MICU2: variants seen among roughly 807,000 people sequenced by gnomAD.
MICU2 encodes mitochondrial calcium uptake 2.
A neutral mutation model predicts 60.4 loss-of-function variants in MICU2; 64 were observed. That is an observed-to-expected ratio of 1.06 (90% CI 0.87 to 1.31). The LOEUF is 1.31. Ranked by LOEUF, MICU2 falls within the 50% of genes most tolerant of loss-of-function variation. The pLI is 0.00. For synonymous variants in MICU2, 201 were observed against 175.0 expected (o/e 1.15, Z -1.17); for missense variants, 569 against 531.0 (o/e 1.07, Z -0.70).
At chr13:21,560,727 C>A (rs192446222) in intron 2 of MICU2, among the ~76,000 whole-genome samples, 1 of 152,258 alleles carries the variant, frequency 6.6e-6, no homozygotes, top group East Asian at 1.9e-4. Context: ...TTAGGGGTTA[C>A]AAACTAGGTC....
At chr13:21,522,728 A>G (rs1886749747) in intron 4 of MICU2, 78 bp from the exon 5 acceptor site, 2 of 1,104,252 alleles carry the variant, frequency 1.8e-6, no homozygotes, top group Non-Finnish European at 2.6e-6. Flanking sequence ...TTGAAATTTC[A>G]CCTAATTAAA....
chr13:21,558,144 T>C (rs926549860), intron 2 of MICU2, among the ~76,000 whole-genome samples: 2 of 152,222 alleles, frequency 1.3e-5, no homozygotes, highest in African/African-American at 2.4e-5. Context: ...TTATTTGCTA[T>C]TTGTTTAGTG....
chr13:21,556,984 G>A (rs1887723943), intron 2 of MICU2, among the ~76,000 whole-genome samples: 1 of 152,052 alleles, frequency 6.6e-6, no homozygotes, highest in Non-Finnish European at 1.5e-5. Flanking sequence ...AGTCCGACAA[G>A]AACAACAAAG....
intron 1 of MICU2, among the ~76,000 whole-genome samples, chr13:21,576,189 A>G (rs1888224150): frequency 6.6e-6 from 1 of 152,220 alleles, no homozygotes; most frequent in Non-Finnish European, 1.5e-5. Flanking sequence ...CAACAGACTA[A>G]TATTTTTCAG....
chr13:21,523,397 TAA>T (rs1446035791), intron 4 of MICU2, among the ~76,000 whole-genome samples: 1 of 152,002 alleles, frequency 6.6e-6, no homozygotes, highest in Non-Finnish European at 1.5e-5. Flanking sequence ...TACTTCTACT[TAA>T]AGTTTTACTA....
intron 2 of MICU2, among the ~76,000 whole-genome samples, chr13:21,548,736 A>G (rs1322416714): frequency 6.6e-6 from 1 of 152,132 alleles, no homozygotes; most frequent in Non-Finnish European, 1.5e-5. Flanking sequence ...CACATAGGTT[A>G]TAAATATTTC....
intron 1 of MICU2, among the ~76,000 whole-genome samples, chr13:21,603,163 G>A (rs1888866117): frequency 6.6e-6 from 1 of 152,030 alleles, no homozygotes; most frequent in Admixed American, 6.5e-5. Flanking sequence ...GGTGGGGAGC[G>A]GCTTCACCAT....
At chr13:21,546,079 A>G (rs972190914) in intron 2 of MICU2, among the ~76,000 whole-genome samples, 9 of 152,238 alleles carry the variant, frequency 5.9e-5, no homozygotes, top group African/African-American at 2.2e-4. Flanking sequence ...GAAGAAAAAA[A>G]GAGGACAAAT....
At chr13:21,555,879 G>A (rs904496710) in intron 2 of MICU2, among the ~76,000 whole-genome samples, 1 of 152,106 alleles carries the variant, frequency 6.6e-6, no homozygotes, top group African/African-American at 2.4e-5. Context: ...GTATTATGAA[G>A]GAACTCTGTG....
At chr13:21,517,803 G>GCA (rs1319320463) in intron 6 of MICU2, among the ~76,000 whole-genome samples, 1 of 74,978 alleles carries the variant, frequency 1.3e-5, no homozygotes, top group Non-Finnish European at 3.3e-5. Flanking sequence ...ACACACACGC[G>GCA]CGCGCGCGCG....
At chr13:21,564,646 GAAT>G (rs1481644189) in intron 2 of MICU2, among the ~76,000 whole-genome samples, 1 of 152,146 alleles carries the variant, frequency 6.6e-6, no homozygotes, top group Non-Finnish European at 1.5e-5. Flanking sequence ...ATAGATTTGG[GAAT>G]TTCCATCCCC....
At chr13:21,565,789 T>C (rs1171095989) in intron 2 of MICU2, among the ~76,000 whole-genome samples, 1 of 151,738 alleles carries the variant, frequency 6.6e-6, no homozygotes, top group Non-Finnish European at 1.5e-5. Context: ...GCTGAGATCA[T>C]GCCATTGCAC....
At chr13:21,590,586 A>G (rs1888557234) in intron 1 of MICU2, among the ~76,000 whole-genome samples, 1 of 152,242 alleles carries the variant, frequency 6.6e-6, no homozygotes, top group African/African-American at 2.4e-5. Flanking sequence ...AGGTTAGAAA[A>G]TAAGAATTGG....
chr13:21,540,653 C>A (rs1887258450), intron 2 of MICU2, among the ~76,000 whole-genome samples: 1 of 152,112 alleles, frequency 6.6e-6, no homozygotes, highest in Non-Finnish European at 1.5e-5. Context: ...AATATGACTA[C>A]ATACTTTTTA....
chr13:21,556,109 T>C lies in MICU2; in HGVS notation c.358+10688A>G, dbSNP rs151269097. Reference sequence around the variant, plus strand: ...TGGCAAGCCACTCTGGAGTCTTTTGTTTTTCCCCCATTTTTTCCTAAACCC... The same window carrying C: ...TGGCAAGCCACTCTGGAGTCTTTTGCTTTTCCCCCATTTTTTCCTAAACCC... On this transcript the variant is annotated intron_variant, in intron 2 of 11. Coordinates refer to ENST00000382374, the MANE Select transcript of MICU2 (RefSeq NM_152726.3). 7.5e-3 allele frequency among the ~76,000 whole-genome samples: 1,148 copies of C among 152,270 alleles called. 15 individuals are homozygous for C. Among genetic ancestry groups the C allele is most frequent in the African/African-American group, 0.026 (1,092 of 41,550 alleles).
intron 2 of MICU2, among the ~76,000 whole-genome samples, chr13:21,553,708 T>C (rs1198018770): frequency 6.6e-6 from 1 of 152,172 alleles, no homozygotes; most frequent in Non-Finnish European, 1.5e-5. Flanking sequence ...GTAAATGGGC[T>C]AAATGCTCCA....
chr13:21,584,179 G>C (rs1438347442), intron 1 of MICU2, among the ~76,000 whole-genome samples: 1 of 151,946 alleles, frequency 6.6e-6, no homozygotes, highest in Non-Finnish European at 1.5e-5. Context: ...CATGAGGTCA[G>C]GAGATCGAGA....
intron 1 of MICU2, among the ~76,000 whole-genome samples, chr13:21,573,907 C>G (rs946484284): frequency 6.6e-6 from 1 of 152,178 alleles, no homozygotes; most frequent in Non-Finnish European, 1.5e-5. Flanking sequence ...CTCCTCACCT[C>G]AAACTGCTTA....
intron 9 of MICU2, among the ~76,000 whole-genome samples, chr13:21,499,657 G>A (rs371277699): frequency 1.3e-4 from 20 of 152,112 alleles, no homozygotes; most frequent in East Asian, 3.9e-4. Flanking sequence ...TGATCTGCCC[G>A]CCTCGGCCTC....
Sources: gnomAD v4.1 joint callset for allele counts (sites outside exome capture counted in the v4.1 genomes callset) on GRCh38, gnomAD v4.1.1 for gene constraint, MANE v1.5 for transcripts, NCBI Gene and HGNC (gene_info 2026-07-23, HGNC 2026-07-21) for gene names.